ITPKB: variants seen among roughly 807,000 people sequenced by gnomAD.
The protein encoded by ITPKB is inositol-trisphosphate 3-kinase B, also known as IP3 3-kinase B.
A neutral mutation model predicts 69.4 loss-of-function variants in ITPKB; 13 were observed. The ratio of observed to expected loss-of-function variants is 0.19; its 90% CI spans 0.12 to 0.30. The LOEUF (loss-of-function observed/expected upper bound fraction) is 0.30. Among genes scored for constraint, ITPKB ranks in the 10% least tolerant of loss-of-function variants. The pLI is 1.00. For synonymous variants in ITPKB, 584 were observed against 513.7 expected, an observed-to-expected ratio of 1.14 and a Z score of -1.85; for missense variants, 1,240 against 1,250.5, an observed-to-expected ratio of 0.99 and a Z score of 0.13.
intron 2 of ITPKB, among the ~76,000 whole-genome samples, chr1:226,684,377 GTGCACCCCAC>G (rs1656154139): frequency 2.0e-5 from 3 of 152,214 alleles, no homozygotes; most frequent in African/African-American, 7.2e-5. Context: ...CAGTCAACCT[GTGCACCCCAC>G]CATCCTCCCT....
At chr1:226,657,787 G>A (rs1298447453) in intron 2 of ITPKB, among the ~76,000 whole-genome samples, 1 of 152,162 alleles carries the variant, frequency 6.6e-6, no homozygotes, top group Non-Finnish European at 1.5e-5. Flanking sequence ...TAATTCCAAG[G>A]ATTTTGTCTC....
chr1:226,670,009 G>T (rs938753376), intron 2 of ITPKB, among the ~76,000 whole-genome samples: 3 of 151,230 alleles, frequency 2.0e-5, no homozygotes, highest in African/African-American at 4.9e-5. Flanking sequence ...GAGTAGCCTG[G>T]ACTAGAAGAT....
In ITPKB at chr1:226,632,861, CT is replaced by C. The variant is rs1479035921; in HGVS notation, c.*1809del. Reference sequence around the variant, plus strand: ...CTTTACGTCTGAATTAATGATGCCCCTGCCCTGCAAATGGCTGAAGCACAGA... The same window carrying C: ...CTTTACGTCTGAATTAATGATGCCCCGCCCTGCAAATGGCTGAAGCACAGA... On this transcript the variant is annotated 3_prime_UTR_variant, in exon 8 of 8. Coordinates refer to ENST00000429204, the MANE Select transcript of ITPKB (RefSeq NM_002221.4). The C allele has an allele frequency of 6.6e-6, 1 of 152,522 alleles. No individual in the cohort carries two copies. Among genetic ancestry groups the C allele is most frequent in the Admixed American group, 6.5e-5 (1 of 15,290 alleles). The allele number at this position is 152,522 out of a possible 1,614,324, so 9.4% of individuals were successfully genotyped here.
chr1:226,690,771 G>A lies in ITPKB; in HGVS notation c.1933-42000C>T, dbSNP rs373886723. Among the ~76,000 whole-genome samples the A allele has an allele frequency of 5.9e-5, 9 of 152,266 alleles. No homozygotes were observed. The East Asian group carries it at 7.7e-4, about 13-fold the overall frequency. The stretch of plus-strand genomic sequence containing the variant: ...GGAAATCAGGCCTGCATCTCAACAC[G>A]TCAAAACTAGTTTCCTGCAATAGCC... On this transcript the variant is annotated intron_variant, in intron 2 of 7. Transcript: ENST00000429204.
chr1:226,700,413 G>A (rs548560787), intron 2 of ITPKB, among the ~76,000 whole-genome samples: 49 of 136,956 alleles, frequency 3.6e-4, no homozygotes, highest in Admixed American at 3.6e-3. Flanking sequence ...AGATTGCAGT[G>A]AGCCCAGATC....
chr1:226,638,497 A>T (rs1444249848), intron 6 of ITPKB, among the ~76,000 whole-genome samples: 2 of 152,298 alleles, frequency 1.3e-5, no homozygotes, highest in Admixed American at 1.3e-4. Flanking sequence ...CAGGGGCTCC[A>T]GGGCCCGTGT....
At chr1:226,657,825 ATC>A (rs1669325296) in intron 2 of ITPKB, among the ~76,000 whole-genome samples, 1 of 152,192 alleles carries the variant, frequency 6.6e-6, no homozygotes, top group South Asian at 2.1e-4. Flanking sequence ...GGCTCCCATC[ATC>A]TCTCTCGGAC....
chr1:226,667,014 G>A (rs1669515984), intron 2 of ITPKB, among the ~76,000 whole-genome samples: 2 of 152,076 alleles, frequency 1.3e-5, no homozygotes, highest in Admixed American at 6.6e-5. Context: ...CCCTCTGGCT[G>A]GAAGACCCTT....
At chr1:226,683,564 G>C (rs548288370) in intron 2 of ITPKB, among the ~76,000 whole-genome samples, 1 of 152,184 alleles carries the variant, frequency 6.6e-6, no homozygotes, top group East Asian at 1.9e-4. Flanking sequence ...CCATGTCAAA[G>C]GCCCTCCTGC....
chr1:226,707,779 A>G, intron 2 of ITPKB: 1 of 1,070,684 alleles, frequency 9.3e-7, no homozygotes, highest in Non-Finnish European at 1.2e-6. Flanking sequence ...TGCAGCACTT[A>G]GACTTTACAG....
intron 2 of ITPKB, among the ~76,000 whole-genome samples, chr1:226,716,445 T>C (rs1029081576): frequency 6.6e-6 from 1 of 152,222 alleles, no homozygotes; most frequent in Non-Finnish European, 1.5e-5. Context: ...AGGATAAATA[T>C]GCAGGATGTG....
At chr1:226,683,557 T>C (rs1023337042) in intron 2 of ITPKB, among the ~76,000 whole-genome samples, 3 of 152,034 alleles carry the variant, frequency 2.0e-5, no homozygotes, top group African/African-American at 4.8e-5. Flanking sequence ...CGCCTACCCA[T>C]GTCAAAGGCC....
rs561113337 is a variant in ITPKB, at chr1:226,734,889, G to C, written c.1932+638C>G. Among the ~76,000 whole-genome samples, 28 of 152,328 alleles carry C rather than the reference G, an allele frequency of 1.8e-4. No individual in the cohort carries two copies. In the South Asian group the frequency reaches 5.8e-3, roughly 32 times the overall value. ...AACCATCTGCTTAGCTCAAAGTATG[G>C]TTTTCATTTAATTCATACATCAAAC... On this transcript the variant is annotated intron_variant, in intron 2 of 7. Coordinates refer to ENST00000429204, the MANE Select transcript of ITPKB (RefSeq NM_002221.4).
chr1:226,685,033 C>G lies in ITPKB; in HGVS notation c.1933-36262G>C, dbSNP rs1215464470. 2.0e-5 allele frequency among the ~76,000 whole-genome samples: 3 copies of G among 152,200 alleles called. 1 individual carries two copies. In the South Asian group the frequency reaches 6.2e-4, roughly 31 times the overall value. On this transcript the variant is annotated intron_variant, in intron 2 of 7. Transcript: ENST00000429204. ...CAGGAAAAACCATTGCTTTCCTTTT[C>G]CCTTTGAATGCCTGAGTAGACATTT...
chr1:226,655,674 G>A (rs956534553), intron 2 of ITPKB, among the ~76,000 whole-genome samples: 12 of 152,220 alleles, frequency 7.9e-5, no homozygotes, highest in Admixed American at 4.6e-4. Flanking sequence ...AGCCTTCTCC[G>A]CAGGAGGCCA....
At chr1:226,710,991 A>AGGG (rs1215728362) in intron 2 of ITPKB, among the ~76,000 whole-genome samples, 1 of 152,252 alleles carries the variant, frequency 6.6e-6, no homozygotes, top group Non-Finnish European at 1.5e-5. Context: ...CCCCAAAAGC[A>AGGG]GGGCCCTTCT....
chr1:226,698,109 T>TCAAGGGGC (rs1380066103), intron 2 of ITPKB, among the ~76,000 whole-genome samples: 1 of 152,194 alleles, frequency 6.6e-6, no homozygotes, highest in Non-Finnish European at 1.5e-5. Flanking sequence ...AGTGTAACTG[T>TCAAGGGGC]CAAGGGGCCA....
At chr1:226,695,734 G>C (rs573594618) in intron 2 of ITPKB, among the ~76,000 whole-genome samples, 6 of 152,300 alleles carry the variant, frequency 3.9e-5, no homozygotes, top group African/African-American at 1.4e-4. Context: ...GTGTGCAGCA[G>C]AATTGGAAGA....
At chr1:226,721,891 G>A (rs1438293836) in intron 2 of ITPKB, among the ~76,000 whole-genome samples, 14 of 150,128 alleles carry the variant, frequency 9.3e-5, no homozygotes, top group African/African-American at 3.0e-4. Context: ...TGGGCTCATT[G>A]CAACTCCCGC....
Sources: allele counts gnomAD v4.1 joint callset (sites outside exome capture counted in the v4.1 genomes callset), GRCh38; gene constraint gnomAD v4.1.1; transcripts MANE v1.5; gene names NCBI Gene and HGNC (gene_info 2026-07-23, HGNC 2026-07-21).